Variants in INPP4B observed in about 807,000 individuals in gnomAD.
INPP4B encodes the protein inositol polyphosphate-4-phosphatase type II B.
INPP4B carries 55 observed loss-of-function variants against 122.5 expected under a neutral mutation model. That is an observed-to-expected ratio of 0.45 (90% CI 0.36 to 0.56). The LOEUF (loss-of-function observed/expected upper bound fraction) is 0.56, where lower values mean the gene tolerates loss of function less well. Ranked by LOEUF, INPP4B falls within the 20% of genes least tolerant of loss-of-function variation. INPP4B has a pLI of 0.00. For synonymous variants in INPP4B, 403 were observed against 388.7 expected, an observed-to-expected ratio of 1.04 and a Z score of -0.43; for missense variants, 1,000 against 1,097.7, an observed-to-expected ratio of 0.91 and a Z score of 1.26.
chr4:142,030,880 T>A (rs1459250501), intron 25 of INPP4B, among the ~76,000 whole-genome samples: 2 of 152,190 alleles, frequency 1.3e-5, no homozygotes, highest in East Asian at 3.9e-4. Flanking sequence ...ATTAGTTTAA[T>A]AAAATCCAAC....
rs752800212 is a variant in INPP4B at position 142,352,493 on chromosome 4, C to CAT, written c.373-37733_373-37732dup. ...TTTGTAATTATAAATTAATATATAT[C>CAT]ATATATATATATTACTTTTCTACAC... On this transcript the variant is annotated intron_variant, in intron 7 of 25. Transcript: ENST00000262992. Among the ~76,000 whole-genome samples, 53 of 150,686 alleles carry CAT rather than the reference C, an allele frequency of 3.5e-4. No individual in the cohort carries two copies. In the Middle Eastern group the frequency reaches 0.017, roughly 49 times the overall value.
At chr4:142,745,665 AT>A (rs1283321358) in intron 1 of INPP4B, among the ~76,000 whole-genome samples, 1 of 151,880 alleles carries the variant, frequency 6.6e-6, no homozygotes, top group Non-Finnish European at 1.5e-5. Context: ...GTCCTGTATA[AT>A]AAGAGTGCCT....
In INPP4B at chr4:142,112,695, G is replaced by A. The variant is rs543303091; in HGVS notation, c.2136-13C>T. The A allele has an allele frequency of 8.8e-6, 14 of 1,593,702 alleles. No individual in the cohort carries two copies. Among genetic ancestry groups the A allele is most frequent in the Non-Finnish European group, 1.2e-5 (14 of 1,174,558 alleles). ...CACGTAATGTTCTCTAAAGAAGGCA[G>A]AGGACAAAGGGAAGAAACATTACTT... On this transcript the variant is annotated splice_polypyrimidine_tract_variant and intron_variant, in intron 21 of 25. Coordinates refer to ENST00000262992, the MANE Select transcript of INPP4B (RefSeq NM_001101669.3).
At chr4:142,163,891 T>G (rs1279450721) in intron 16 of INPP4B, among the ~76,000 whole-genome samples, 1 of 151,800 alleles carries the variant, frequency 6.6e-6, no homozygotes, top group Non-Finnish European at 1.5e-5. Context: ...TCATTTAGCG[T>G]GAACTACATT....
At chr4:142,288,951 G>C (rs1297220825) in intron 9 of INPP4B, among the ~76,000 whole-genome samples, 1 of 152,132 alleles carries the variant, frequency 6.6e-6, no homozygotes, top group Non-Finnish European at 1.5e-5. Flanking sequence ...TTGAACTCTG[G>C]AATATTGCTT....
intron 9 of INPP4B, among the ~76,000 whole-genome samples, chr4:142,294,899 T>C (rs1024613664): frequency 4.2e-5 from 6 of 144,232 alleles, no homozygotes; most frequent in East Asian, 2.1e-4. Flanking sequence ...CTTGTATACC[T>C]GGGCTGAGCA....
At chr4:142,419,929 G>A (rs555611068) in intron 5 of INPP4B, among the ~76,000 whole-genome samples, 1 of 152,140 alleles carries the variant, frequency 6.6e-6, no homozygotes, top group African/African-American at 2.4e-5. Flanking sequence ...AAAGCCCTGA[G>A]GTAGTCCTGA....
At chr4:142,400,352 A>C (rs541046587) in intron 7 of INPP4B, among the ~76,000 whole-genome samples, 2 of 152,260 alleles carry the variant, frequency 1.3e-5, no homozygotes, top group African/African-American at 4.8e-5. Flanking sequence ...AAACACATGC[A>C]CACAATTTAT....
intron 2 of INPP4B, among the ~76,000 whole-genome samples, chr4:142,649,151 A>T (rs1441533843): frequency 6.6e-6 from 1 of 152,220 alleles, no homozygotes; most frequent in Admixed American, 6.5e-5. Flanking sequence ...AGGAAAACTA[A>T]CAAACAGAAA....
chr4:142,779,789 G>A (rs1774522408), intron 1 of INPP4B, among the ~76,000 whole-genome samples: 1 of 152,094 alleles, frequency 6.6e-6, no homozygotes, highest in African/African-American at 2.4e-5. Context: ...AGTGGGAAAG[G>A]AAGAAAGATA....
intron 2 of INPP4B, among the ~76,000 whole-genome samples, chr4:142,482,570 A>C (rs1167290857): frequency 6.6e-6 from 1 of 152,156 alleles, no homozygotes; most frequent in African/African-American, 2.4e-5. Context: ...AATAACTCCA[A>C]AGTAAAAGAA....
At chr4:142,185,885 T>TTAAAA (rs1554000202) in intron 15 of INPP4B, among the ~76,000 whole-genome samples, 1 of 129,840 alleles carries the variant, frequency 7.7e-6, no homozygotes, top group African/African-American at 2.9e-5. Flanking sequence ...TCTCAAAACA[T>TTAAAA]AAAAAAAAAA....
At chr4:142,103,901 C>A (rs1465212308) in intron 23 of INPP4B, among the ~76,000 whole-genome samples, 1 of 151,776 alleles carries the variant, frequency 6.6e-6, no homozygotes, top group African/African-American at 2.4e-5. Context: ...ATTTTGTATA[C>A]AATCCTTATT....
intron 9 of INPP4B, among the ~76,000 whole-genome samples, chr4:142,298,305 GA>G (rs1026281739): frequency 6.6e-6 from 1 of 152,100 alleles, no homozygotes; most frequent in African/African-American, 2.4e-5. Context: ...AAAACGGGAG[GA>G]AAAATTCTGA....
At chr4:142,520,774 T>C (rs1825977749) in intron 2 of INPP4B, among the ~76,000 whole-genome samples, 1 of 151,974 alleles carries the variant, frequency 6.6e-6, no homozygotes, top group East Asian at 1.9e-4. Flanking sequence ...TATTAAAGTA[T>C]AATTTCTCCT....
chr4:142,200,799 G>A (rs991085030), intron 14 of INPP4B, among the ~76,000 whole-genome samples: 1 of 151,976 alleles, frequency 6.6e-6, no homozygotes, highest in Non-Finnish European at 1.5e-5. Context: ...CTTCAGTTTT[G>A]AACTTCATAG....
Position 142,173,664 on chromosome 4 carries a change from A to G in INPP4B, c.1327T>C (p.Leu443=). The part of the protein sequence containing the change: ...NSASQHSPDS[L]KNSLKMLSEK... Reference sequence around the variant, plus strand: ...GAAAGCATCTTTAAAGAATTCTTCAAGCTGTCTGGAGAATGCTGGCTTGCA... The same window carrying G: ...GAAAGCATCTTTAAAGAATTCTTCAGGCTGTCTGGAGAATGCTGGCTTGCA... Residue 443 remains leucine, a synonymous_variant, in exon 16 of 26, where the codon TTG becomes CTG. Transcript: ENST00000262992. The G allele has an allele frequency of 6.2e-7, 1 of 1,612,672 alleles. No individual in the cohort carries two copies.
intron 14 of INPP4B, among the ~76,000 whole-genome samples, chr4:142,197,040 C>T (rs1034946474): frequency 1.5e-5 from 2 of 134,600 alleles, no homozygotes; most frequent in African/African-American, 2.8e-5. Flanking sequence ...GCAGGAGAAT[C>T]GCATGAACCT....
At chr4:142,753,259 G>A (rs927473480) in intron 1 of INPP4B, among the ~76,000 whole-genome samples, 3 of 151,946 alleles carry the variant, frequency 2.0e-5, no homozygotes, top group Admixed American at 6.6e-5. Context: ...CTTTTTTCAA[G>A]GTTAAACTTC....
Sources: allele counts gnomAD v4.1 joint callset (sites outside exome capture counted in the v4.1 genomes callset), GRCh38; gene constraint gnomAD v4.1.1; transcripts MANE v1.5; gene names NCBI Gene and HGNC (gene_info 2026-07-23, HGNC 2026-07-21).